The following LINGO2 variants were observed in gnomAD, a reference collection of about 807,000 sequenced individuals.
LINGO2 encodes the protein leucine-rich repeat and immunoglobulin-like domain-containing nogo receptor-interacting protein 2.
LINGO2 carries 14 observed loss-of-function variants against 30.6 expected under a neutral mutation model. The observed-to-expected ratio is 0.46, with a 90% CI of 0.30 to 0.72. The LOEUF (loss-of-function observed/expected upper bound fraction) is 0.72, where lower values mean the gene tolerates loss of function less well. LINGO2 is among the 30% of genes least tolerant of loss of function. The pLI, the probability that LINGO2 is intolerant of heterozygous loss-of-function variation, is 0.07. For synonymous variants in LINGO2, 317 were observed against 288.5 expected (o/e 1.10, Z -1.00); for missense variants, 729 against 751.7 (o/e 0.97, Z 0.35).
the LINGO2 span, among the ~76,000 whole-genome samples, chr9:29,045,607 CTG>C: frequency 6.7e-6 from 1 of 148,740 alleles, no homozygotes; most frequent in Admixed American, 6.7e-5. Flanking sequence ...CCCTCGAAAA[CTG>C]GGGATAGGCT....
chr9:29,080,380 T>G, the LINGO2 span, among the ~76,000 whole-genome samples: 1 of 152,212 alleles, frequency 6.6e-6, no homozygotes, highest in East Asian at 1.9e-4. Context: ...TTGATGATCT[T>G]TTCAAAAAAC....
the LINGO2 span, among the ~76,000 whole-genome samples, chr9:29,013,693 T>C: frequency 4.6e-5 from 7 of 152,160 alleles, no homozygotes; most frequent in Non-Finnish European, 1.0e-4. Flanking sequence ...TTAACATATT[T>C]ATTATATCCT....
At chr9:28,986,697 T>C in the LINGO2 span, among the ~76,000 whole-genome samples, 7 of 152,032 alleles carry the variant, frequency 4.6e-5, no homozygotes, top group Non-Finnish European at 8.8e-5. Context: ...AAAAGGCATT[T>C]CATACACCTA....
intron 4 of LINGO2, among the ~76,000 whole-genome samples, chr9:28,041,198 C>A (rs915443515): frequency 2.6e-5 from 4 of 152,194 alleles, no homozygotes; most frequent in Non-Finnish European, 4.4e-5. Flanking sequence ...TATTGCACCT[C>A]ATAAACTGTT....
chr9:28,056,083 C>T (rs1301596319), intron 4 of LINGO2, among the ~76,000 whole-genome samples: 1 of 152,100 alleles, frequency 6.6e-6, no homozygotes, highest in Non-Finnish European at 1.5e-5. Context: ...AAAGGAGCTC[C>T]CCGCTTTCAG....
chr9:28,029,948 A>G (rs1823585196), intron 4 of LINGO2, among the ~76,000 whole-genome samples: 1 of 152,192 alleles, frequency 6.6e-6, no homozygotes, highest in South Asian at 2.1e-4. Context: ...ACTGAAGGAG[A>G]GGACAATTCA....
At chr9:28,939,877 C>T in the LINGO2 span, among the ~76,000 whole-genome samples, 1 of 152,122 alleles carries the variant, frequency 6.6e-6, no homozygotes, top group Non-Finnish European at 1.5e-5. Flanking sequence ...TCCTCTATTA[C>T]CCACTCTAGA....
At position 28,347,169 on chromosome 9, in the gene LINGO2, T is replaced by C. The variant is rs140636504; in HGVS notation, c.-246+25667A>G. ...ATGGTTACATTTAAAAGAATAAAAA[T>C]AGAAAATTCCTACAAAGGATTTTAC... On this transcript the variant is annotated intron_variant, in intron 3 of 5. Transcript: ENST00000379992. 6.4e-4 allele frequency among the ~76,000 whole-genome samples: 97 copies of C among 152,260 alleles called. 1 individual carries two copies. The highest frequency in any genetic ancestry group is 2.1e-3 in the African/African-American group (89 of 41,574).
the LINGO2 span, among the ~76,000 whole-genome samples, chr9:28,835,220 G>C: frequency 6.6e-6 from 1 of 152,070 alleles, no homozygotes; most frequent in Non-Finnish European, 1.5e-5. Flanking sequence ...AAAGATTCTT[G>C]ATATATATAA....
intron 4 of LINGO2, among the ~76,000 whole-genome samples, chr9:28,170,875 C>T (rs1176984019): frequency 1.3e-5 from 2 of 152,184 alleles, no homozygotes; most frequent in Admixed American, 1.3e-4. Context: ...CTTCCCATCT[C>T]AAGATCCTTA....
the LINGO2 span, among the ~76,000 whole-genome samples, chr9:29,128,804 G>T: frequency 0.028 from 4,235 of 152,118 alleles, 187 homozygotes; most frequent in African/African-American, 0.096. Flanking sequence ...TATATGACTA[G>T]ATGTGTTTAT....
intron 3 of LINGO2, among the ~76,000 whole-genome samples, chr9:28,315,020 A>G (rs1365272486): frequency 6.6e-6 from 1 of 151,958 alleles, no homozygotes; most frequent in Non-Finnish European, 1.5e-5. Flanking sequence ...AAAAAAAAAA[A>G]AAAAAGAAAC....
At chr9:28,839,912 C>T in the LINGO2 span, among the ~76,000 whole-genome samples, 4 of 152,146 alleles carry the variant, frequency 2.6e-5, no homozygotes, top group East Asian at 7.7e-4. Context: ...CTTCCCTCAG[C>T]ACCCCCTCAT....
chr9:29,063,302 T>C, the LINGO2 span, among the ~76,000 whole-genome samples: 1 of 152,088 alleles, frequency 6.6e-6, no homozygotes, highest in Non-Finnish European at 1.5e-5. Context: ...AATCAGACAG[T>C]GTACTGTATG....
the LINGO2 span, among the ~76,000 whole-genome samples, chr9:28,921,815 C>T: frequency 1.3e-5 from 2 of 152,110 alleles, no homozygotes; most frequent in Non-Finnish European, 2.9e-5. Flanking sequence ...CCTCTGACTT[C>T]AAGTTAGTTT....
At chr9:29,118,035 C>T in the LINGO2 span, among the ~76,000 whole-genome samples, 1 of 152,132 alleles carries the variant, frequency 6.6e-6, no homozygotes, top group Admixed American at 6.5e-5. Flanking sequence ...AGAATTTTCA[C>T]TGTCAACATG....
At chr9:28,628,704 G>T (rs1326140797) in intron 1 of LINGO2, among the ~76,000 whole-genome samples, 3 of 152,096 alleles carry the variant, frequency 2.0e-5, no homozygotes, top group Non-Finnish European at 4.4e-5. Context: ...CTAGTCTCTT[G>T]ATTTCTGCTT....
At chr9:28,770,085 G>T in the LINGO2 span, among the ~76,000 whole-genome samples, 2 of 151,646 alleles carry the variant, frequency 1.3e-5, no homozygotes, top group Non-Finnish European at 2.9e-5. Context: ...TCATTTTTTC[G>T]GTCCAGTTCT....
At chr9:28,520,142 G>T (rs2135396560) in intron 1 of LINGO2, among the ~76,000 whole-genome samples, 1 of 152,106 alleles carries the variant, frequency 6.6e-6, no homozygotes, top group East Asian at 1.9e-4. Flanking sequence ...TTTTACCTTA[G>T]CCTTAATTCT....
Sources: allele counts gnomAD v4.1 joint callset (sites outside exome capture counted in the v4.1 genomes callset), GRCh38; gene constraint gnomAD v4.1.1; transcripts MANE v1.5; gene names NCBI Gene and HGNC (gene_info 2026-07-23, HGNC 2026-07-21).